NRP1: variants seen among roughly 807,000 people sequenced by gnomAD.
NRP1 encodes neuropilin-1.
NRP1 carries 35 observed loss-of-function variants against 106.7 expected under a neutral mutation model. That is an observed-to-expected ratio of 0.33 (90% confidence interval 0.25 to 0.43). The LOEUF (loss-of-function observed/expected upper bound fraction) is 0.43, where lower values mean the gene tolerates loss of function less well. NRP1 is among the 20% of genes least tolerant of loss of function. The pLI is 1.00. For missense variants in NRP1, 1,024 were observed against 1,170.4 expected (o/e 0.87, Z 1.83); for synonymous variants, 437 against 417.9 (o/e 1.05, Z -0.56).
At position 33,213,733 on chromosome 10, in the gene NRP1, A is replaced by C. The variant is rs1298805669; in HGVS notation, c.1283-16T>G. On this transcript the variant is annotated splice_polypyrimidine_tract_variant and intron_variant, in intron 8 of 16. Coordinates refer to ENST00000374867, the MANE Select transcript of NRP1 (RefSeq NM_003873.7). ...CAAGGATAATCTGGGAAGTGAAATG[A>C]AACAGATAATGTAAAATGATTTCCT... The C allele has an allele frequency of 6.5e-7, 1 of 1,543,292 alleles. No individual in the cohort carries two copies. The highest frequency in any genetic ancestry group is 8.8e-7 in the Non-Finnish European group (1 of 1,139,618).
rs1554808824 is a variant in NRP1, at chr10:33,306,355, G to GGGGTGT, written c.248+24352_248+24353insACACCC. Among the ~76,000 whole-genome samples, 15 of 148,134 alleles carry GGGGTGT rather than the reference G, an allele frequency of 1.0e-4. 1 individual carries two copies. The highest frequency in any genetic ancestry group is 2.2e-4 in the South Asian group (1 of 4,578). The stretch of plus-strand genomic sequence containing the variant: ...GCTTTTGCATTCTGCGGGTCAGAAG[G>GGGGTGT]GTGTGTGTGTGTGTGTGTGTGTGTG... On this transcript the variant is annotated intron_variant, in intron 2 of 16. Transcript: ENST00000374867.
chr10:33,257,243 A>T (rs1842258754), intron 4 of NRP1, among the ~76,000 whole-genome samples: 1 of 152,222 alleles, frequency 6.6e-6, no homozygotes. Context: ...CCAGTGGCCA[A>T]GACATCACCA....
At chr10:33,253,992 T>C (rs776212137) in intron 6 of NRP1, 36 bp downstream of exon 6, 18 of 1,557,358 alleles carry the variant, frequency 1.2e-5, no homozygotes, top group African/African-American at 2.8e-5. Context: ...CAAAAACTTA[T>C]TCAATCCTAG....
Position 33,188,207 on chromosome 10 carries a change from CTG to C in NRP1, c.2063-1721_2063-1720del, listed in dbSNP as rs537152439. The stretch of plus-strand genomic sequence containing the variant: ...TCCCCTCAATCTTACGGAAAAAAGA[CTG>C]AAATTGGCAATGCTGCTGCCATGTC... On this transcript the variant is annotated intron_variant, in intron 13 of 16. Coordinates refer to ENST00000374867, the MANE Select transcript of NRP1 (RefSeq NM_003873.7). 1.4e-3 allele frequency among the ~76,000 whole-genome samples: 211 copies of C among 152,234 alleles called. 1 individual carries two copies. The highest frequency in any genetic ancestry group is 4.8e-3 in the African/African-American group (199 of 41,524).
intron 2 of NRP1, among the ~76,000 whole-genome samples, chr10:33,320,101 T>G (rs1271954894): frequency 6.6e-6 from 1 of 150,536 alleles, no homozygotes; most frequent in Non-Finnish European, 1.5e-5. Flanking sequence ...TCACCTGAGG[T>G]CAGGAGTTTG....
At chr10:33,196,483 T>C (rs1239540606) in intron 12 of NRP1, among the ~76,000 whole-genome samples, 3 of 152,196 alleles carry the variant, frequency 2.0e-5, no homozygotes, top group Non-Finnish European at 4.4e-5. Flanking sequence ...TGAGATACCT[T>C]CAGCTATGGG....
chr10:33,232,894 C>T (rs999861777), intron 6 of NRP1, among the ~76,000 whole-genome samples: 22 of 151,984 alleles, frequency 1.4e-4, no homozygotes, highest in East Asian at 3.9e-4. Context: ...GTGATCTGCC[C>T]GCCTTGGCCT....
intron 6 of NRP1, among the ~76,000 whole-genome samples, chr10:33,229,342 A>G (rs1324089664): frequency 6.6e-6 from 1 of 152,232 alleles, no homozygotes; most frequent in Admixed American, 6.5e-5. Flanking sequence ...GTTGCTCTGA[A>G]CAATGTTAAC....
chr10:33,330,425 A>T (rs1225223868), intron 2 of NRP1, among the ~76,000 whole-genome samples: 1 of 152,116 alleles, frequency 6.6e-6, no homozygotes, highest in African/African-American at 2.4e-5. Context: ...AAAAAGAAAC[A>T]TACATACTGT....
intron 2 of NRP1, among the ~76,000 whole-genome samples, chr10:33,303,215 T>C (rs1478130818): frequency 6.6e-6 from 1 of 152,172 alleles, no homozygotes; most frequent in Non-Finnish European, 1.5e-5. Flanking sequence ...GATCAAAGTG[T>C]ACCAAAACAA....
At chr10:33,202,547 A>C in intron 11 of NRP1, 18 of 1,247,434 alleles carry the variant, frequency 1.4e-5, no homozygotes, top group Non-Finnish European at 1.7e-5. Flanking sequence ...GTGGTTACGT[A>C]GGGGTGGTGC....
intron 6 of NRP1, among the ~76,000 whole-genome samples, chr10:33,227,512 G>A (rs1027257965): frequency 6.6e-6 from 1 of 152,190 alleles, no homozygotes; most frequent in East Asian, 1.9e-4. Context: ...TCTCCTTGCA[G>A]CTCAGTTTGA....
chr10:33,216,789 C>T (rs962504667), intron 8 of NRP1, among the ~76,000 whole-genome samples: 3 of 152,100 alleles, frequency 2.0e-5, no homozygotes, highest in Non-Finnish European at 4.4e-5. Context: ...CTGCTTTCTG[C>T]CTCCCCAGAT....
At chr10:33,184,678 G>A (rs982619110) in intron 15 of NRP1, among the ~76,000 whole-genome samples, 9 of 152,292 alleles carry the variant, frequency 5.9e-5, no homozygotes, top group Admixed American at 3.9e-4. Flanking sequence ...CCCTTTAATA[G>A]TATGAAGAAG....
At chr10:33,222,999 C>T (rs1839379390) in intron 7 of NRP1, among the ~76,000 whole-genome samples, 1 of 152,180 alleles carries the variant, frequency 6.6e-6, no homozygotes, top group Non-Finnish European at 1.5e-5. Context: ...TACTCTGCCT[C>T]CCTTTCCTGG....
chr10:33,253,982 C>G, intron 6 of NRP1, 46 bp downstream of exon 6: 2 of 1,546,688 alleles, frequency 1.3e-6, no homozygotes, highest in South Asian at 1.3e-5. Context: ...TCTAGATGGT[C>G]AAAAACTTAT....
At chr10:33,320,841 A>G (rs1468986668) in intron 2 of NRP1, among the ~76,000 whole-genome samples, 1 of 152,134 alleles carries the variant, frequency 6.6e-6, no homozygotes, top group Non-Finnish European at 1.5e-5. Context: ...ACGAGAGATG[A>G]ACACCTGTAC....
chr10:33,329,001 C>A (rs910706931), intron 2 of NRP1, among the ~76,000 whole-genome samples: 2 of 152,118 alleles, frequency 1.3e-5, no homozygotes, highest in African/African-American at 4.8e-5. Flanking sequence ...TCTCCTATAG[C>A]AGTTTAAACA....
intron 4 of NRP1, among the ~76,000 whole-genome samples, 189 bp downstream of exon 4, chr10:33,263,455 CTA>C (rs1821357051): frequency 6.6e-6 from 1 of 152,150 alleles, no homozygotes. Flanking sequence ...AGGAATTGGA[CTA>C]GATAATTACT....
Sources: gnomAD v4.1 joint callset for allele counts (sites outside exome capture counted in the v4.1 genomes callset) on GRCh38, gnomAD v4.1.1 for gene constraint, MANE v1.5 for transcripts, NCBI Gene and HGNC (gene_info 2026-07-23, HGNC 2026-07-21) for gene names.